Variants in IMMP2L observed in about 807,000 individuals in gnomAD.
The protein encoded by IMMP2L is inner mitochondrial membrane peptidase subunit 2.
In IMMP2L, 18 loss-of-function variants were observed where a neutral mutation model predicts 19.3. The observed-to-expected ratio is 0.93, with a 90% CI of 0.64 to 1.38. The LOEUF is 1.38. Among genes scored for constraint, IMMP2L ranks in the 40% most tolerant of loss-of-function variants. IMMP2L has a pLI of 0.00. For missense variants in IMMP2L, 233 were observed against 218.2 expected (o/e 1.07, Z -0.43); for synonymous variants, 76 against 73.0 (o/e 1.04, Z -0.21).
At chr7:111,039,303 A>C (rs1450651034) in intron 3 of IMMP2L, among the ~76,000 whole-genome samples, 1 of 152,250 alleles carries the variant, frequency 6.6e-6, no homozygotes, top group Non-Finnish European at 1.5e-5. Context: ...GGCGTAAAAA[A>C]TATAGTGTGG....
At chr7:111,277,253 C>T (rs1218313151) in intron 3 of IMMP2L, among the ~76,000 whole-genome samples, 5 of 151,622 alleles carry the variant, frequency 3.3e-5, no homozygotes, top group Non-Finnish European at 5.9e-5. Flanking sequence ...TCAAACAACT[C>T]TACAAGATAA....
rs992992185 is a variant in IMMP2L, at chr7:111,302,718, T to C, written c.239+184520A>G. ...TTGTTTTTCTCTTTGGCTTATCTTA[T>C]GGAGATTATGACAATTACCAAAATC... On this transcript the variant is annotated intron_variant, in intron 3 of 5. Transcript: ENST00000405709. 5.9e-5 allele frequency among the ~76,000 whole-genome samples: 9 copies of C among 152,316 alleles called. No individual in the cohort carries two copies. The East Asian group carries it at 1.5e-3, about 26-fold the overall frequency.
At chr7:110,905,970 C>G (rs181022333) in intron 4 of IMMP2L, among the ~76,000 whole-genome samples, 2 of 152,298 alleles carry the variant, frequency 1.3e-5, no homozygotes, top group East Asian at 3.9e-4. Context: ...ATACACCACA[C>G]CCATACTGCA....
intron 3 of IMMP2L, among the ~76,000 whole-genome samples, chr7:111,256,839 T>C (rs1229449923): frequency 6.6e-6 from 1 of 152,024 alleles, no homozygotes; most frequent in Non-Finnish European, 1.5e-5. Context: ...CTGAATTGTA[T>C]TGACTCTAAA....
chr7:110,823,173 A>G (rs2131343362), intron 5 of IMMP2L, among the ~76,000 whole-genome samples: 1 of 152,238 alleles, frequency 6.6e-6, no homozygotes, highest in East Asian at 1.9e-4. Flanking sequence ...AAAGAATAAT[A>G]CTGGCATGCT....
Position 111,441,720 on chromosome 7 carries a change from TAAA to T in IMMP2L, c.239+45515_239+45517del, listed in dbSNP as rs11312650. On this transcript the variant is annotated intron_variant, in intron 3 of 5. Transcript: ENST00000405709. ...GAGCTGGCACAAACCTTCAACTTGTTAAAAAAAAAAAAAAAAGAAAACACAGTA... is the reference window on the plus strand; with the variant it reads ...GAGCTGGCACAAACCTTCAACTTGTTAAAAAAAAAAAAAGAAAACACAGTA... Among the ~76,000 whole-genome samples the T allele has an allele frequency of 1.4e-3, 200 of 138,250 alleles. 5 individuals carry two copies. Among genetic ancestry groups the T allele is most frequent in the African/African-American group, 5.2e-3 (193 of 37,378 alleles). 90.7% of individuals were successfully genotyped at this position (138,250 alleles called of 152,430 possible). A position where few individuals can be genotyped will look rare whatever the true frequency, so the allele number is the denominator to read the frequency against.
At chr7:111,281,132 G>C (rs71544721) in intron 3 of IMMP2L, among the ~76,000 whole-genome samples, 1,049 of 90,322 alleles carry the variant, frequency 0.012, 15 homozygotes, top group African/African-American at 0.019. Context: ...GAGAGAAAGA[G>C]AGAAAGACAG....
chr7:111,143,332 C>G (rs1414776578), intron 3 of IMMP2L, among the ~76,000 whole-genome samples: 1 of 152,092 alleles, frequency 6.6e-6, no homozygotes. Flanking sequence ...AACCTCTGCG[C>G]CAGGCTAAAT....
chr7:110,948,195 A>G (rs2129553807), intron 4 of IMMP2L, among the ~76,000 whole-genome samples: 1 of 152,306 alleles, frequency 6.6e-6, no homozygotes, highest in Non-Finnish European at 1.5e-5. Flanking sequence ...TAAAAAATAG[A>G]AATCTATCAT....
intron 3 of IMMP2L, among the ~76,000 whole-genome samples, chr7:111,352,055 G>A (rs549160177): frequency 5.9e-5 from 9 of 152,144 alleles, no homozygotes; most frequent in African/African-American, 1.7e-4. Flanking sequence ...ATATCAGTAT[G>A]CTTCCCATTA....
At chr7:111,058,803 G>A (rs759980129) in intron 3 of IMMP2L, among the ~76,000 whole-genome samples, 35 of 152,090 alleles carry the variant, frequency 2.3e-4, no homozygotes, top group African/African-American at 4.1e-4. Context: ...ACTGACTTGA[G>A]TCCTATCCTA....
rs1584741278 is a variant in IMMP2L at position 110,758,591 on chromosome 7, G to GC, written c.409-94871dup. Among the ~76,000 whole-genome samples, 3 of 152,140 alleles carry GC rather than the reference G, an allele frequency of 2.0e-5. No individual in the cohort carries two copies. In the East Asian group the frequency reaches 5.8e-4, roughly 30 times the overall value. On this transcript the variant is annotated intron_variant, in intron 5 of 5. Transcript: ENST00000405709. The surrounding 1 kb of genome is among the most constrained non-coding windows in gnomAD (Gnocchi z 4.6). The stretch of plus-strand genomic sequence containing the variant: ...AGGGCATGTGACATTGAGCTATTTA[G>GC]CAGATAATAATCAATCAATATTGAC...
chr7:111,091,596 C>T (rs1479037008), intron 3 of IMMP2L: 1 of 152,178 alleles, frequency 6.6e-6, no homozygotes, highest in African/African-American at 2.4e-5. Flanking sequence ...CCTTTGATGT[C>T]TTCTTCTTGT....
At chr7:111,283,317 T>C (rs754698411) in intron 3 of IMMP2L, among the ~76,000 whole-genome samples, 2 of 152,140 alleles carry the variant, frequency 1.3e-5, no homozygotes, top group Admixed American at 6.6e-5. Flanking sequence ...AATGTGCATA[T>C]AGAGTTGACA....
chr7:111,344,932 G>A (rs1827384714), intron 3 of IMMP2L, among the ~76,000 whole-genome samples: 1 of 152,090 alleles, frequency 6.6e-6, no homozygotes, highest in South Asian at 2.1e-4. Context: ...AGAGGCCACA[G>A]TGATAAATCT....
intron 3 of IMMP2L, among the ~76,000 whole-genome samples, chr7:111,451,822 A>T (rs962538634): frequency 1.3e-5 from 2 of 152,106 alleles, no homozygotes; most frequent in African/African-American, 4.8e-5. Context: ...TCAAACAAAG[A>T]AATCCTACGT....
intron 3 of IMMP2L, among the ~76,000 whole-genome samples, chr7:111,424,071 A>T (rs528592312): frequency 1.3e-5 from 2 of 152,016 alleles, no homozygotes; most frequent in East Asian, 3.9e-4. Context: ...CTTATCACGT[A>T]TACCAACATG....
chr7:111,036,566 G>A (rs541795325), intron 3 of IMMP2L, among the ~76,000 whole-genome samples: 2 of 152,128 alleles, frequency 1.3e-5, no homozygotes, highest in African/African-American at 4.8e-5. Flanking sequence ...CAGGATCTTT[G>A]TTCTCTTTCA....
chr7:110,916,968 C>A (rs1344210726), intron 4 of IMMP2L, among the ~76,000 whole-genome samples: 1 of 152,076 alleles, frequency 6.6e-6, no homozygotes, highest in Non-Finnish European at 1.5e-5. Flanking sequence ...ATCCCCAGAA[C>A]CTATGAAGGT....
Sources: allele counts gnomAD v4.1 joint callset (sites outside exome capture counted in the v4.1 genomes callset), GRCh38; gene constraint gnomAD v4.1.1; non-coding constraint Gnocchi (gnomAD v3.1); transcripts MANE v1.5; gene names NCBI Gene and HGNC (gene_info 2026-07-23, HGNC 2026-07-21).